Variants in EXOSC10 observed in about 807,000 individuals in gnomAD.
The protein encoded by EXOSC10 is exosome component 10, also known as exosome complex component 10.
EXOSC10 carries 94 observed loss-of-function variants against 126.6 expected under a neutral mutation model. The observed-to-expected ratio is 0.74, with a 90% CI of 0.63 to 0.88. The LOEUF is 0.88. Among genes scored for constraint, EXOSC10 ranks in the 40% least tolerant of loss-of-function variants. EXOSC10 has a pLI of 0.00. For synonymous variants in EXOSC10, 395 were observed against 400.8 expected, an observed-to-expected ratio of 0.99 and a Z score of 0.17; for missense variants, 1,041 against 1,100.5, an observed-to-expected ratio of 0.95 and a Z score of 0.77.
chr1:11,070,753 C>T lies in EXOSC10; in HGVS notation c.2316+147G>A, dbSNP rs1570787504. The stretch of plus-strand genomic sequence containing the variant: ...GTGGAGGTTTCGGAAATGAGGTAGA[C>T]ACTAATAGCCAAGCTAAGGTGAACC... On this transcript the variant is annotated intron_variant, in intron 21 of 24. Transcript: ENST00000376936. 4 of 671,232 alleles carry T rather than the reference C, an allele frequency of 6.0e-6. No individual in the cohort carries two copies. The East Asian group carries it at 7.8e-5, about 13-fold the overall frequency. The allele number at this position is 671,232 out of a possible 1,614,324, so 41.6% of individuals were successfully genotyped here.
intron 9 of EXOSC10, among the ~76,000 whole-genome samples, chr1:11,086,668 C>T (rs1640511494): frequency 6.6e-6 from 1 of 152,148 alleles, no homozygotes; most frequent in Admixed American, 6.6e-5. Flanking sequence ...AAGAAACTCA[C>T]TCAAAACCGC....
intron 10 of EXOSC10, among the ~76,000 whole-genome samples, chr1:11,082,191 G>C (rs1315618225): frequency 6.6e-6 from 1 of 152,100 alleles, no homozygotes; most frequent in Non-Finnish European, 1.5e-5. Context: ...TAGCAACCAA[G>C]CGGAAAACGA....
At chr1:11,077,293 G>C (rs1639872789) in intron 16 of EXOSC10, 72 bp downstream of exon 16, 12 of 1,502,246 alleles carry the variant, frequency 8.0e-6, no homozygotes, top group Non-Finnish European at 1.0e-5. Context: ...GCCCGGCCAA[G>C]CCTACAGAAT....
chr1:11,095,697 G>C, intron 3 of EXOSC10, 61 bp downstream of exon 3: 4 of 1,505,526 alleles, frequency 2.7e-6, no homozygotes, highest in Non-Finnish European at 2.8e-6. Context: ...CTGGGCGACA[G>C]AGCGAGACTC....
chr1:11,082,254 CA>C (rs1163115626), intron 10 of EXOSC10, among the ~76,000 whole-genome samples: 6 of 151,802 alleles, frequency 4.0e-5, no homozygotes, highest in African/African-American at 1.5e-4. Context: ...CCTTATGCCA[CA>C]AAAAAACGCT....
intron 22 of EXOSC10, 42 bp downstream of exon 22, chr1:11,069,517 C>T (rs761886038): frequency 2.8e-5 from 45 of 1,595,254 alleles, no homozygotes; most frequent in Admixed American, 1.6e-4. Context: ...TCCCCTCTGA[C>T]GCGCACAGAT....
chr1:11,078,935 C>T (rs1001970928), intron 14 of EXOSC10, among the ~76,000 whole-genome samples: 3 of 152,190 alleles, frequency 2.0e-5, no homozygotes, highest in Non-Finnish European at 2.9e-5. Flanking sequence ...AAGACACACA[C>T]ACTGGATTTC....
At chr1:11,084,972 G>GTTCTA (rs1450138689) in intron 9 of EXOSC10, among the ~76,000 whole-genome samples, 1 of 152,132 alleles carries the variant, frequency 6.6e-6, no homozygotes, top group Non-Finnish European at 1.5e-5. Context: ...GCTCTGTTCT[G>GTTCTA]TTCTATTGAT....
At chr1:11,070,600 C>A in intron 21 of EXOSC10, 1 of 290,658 alleles carries the variant, frequency 3.4e-6, no homozygotes, top group South Asian at 9.2e-5. Flanking sequence ...TTGTAGGACA[C>A]AGCAGGACAC....
At chr1:11,075,401 G>C (rs1272266683) in intron 17 of EXOSC10, among the ~76,000 whole-genome samples, 2 of 152,136 alleles carry the variant, frequency 1.3e-5, no homozygotes, top group African/African-American at 4.8e-5. Flanking sequence ...TCATAAATAT[G>C]TGCTATCCTT....
intron 9 of EXOSC10, among the ~76,000 whole-genome samples, chr1:11,085,732 A>G (rs1469303202): frequency 6.6e-6 from 1 of 151,798 alleles, no homozygotes. Context: ...GTTTTTGCCC[A>G]TTCAGTATGA....
intron 17 of EXOSC10, among the ~76,000 whole-genome samples, chr1:11,075,853 CAAAAAAAAAAA>C (rs58667041): frequency 1.3e-3 from 46 of 35,144 alleles, no homozygotes; most frequent in African/African-American, 5.1e-3. Context: ...GATCCTGTCA[CAAAAAAAAAAA>C]AAAAAAAAAA....
chr1:11,077,088 T>C, intron 16 of EXOSC10, 140 bp from the exon 17 acceptor site: 1 of 661,296 alleles, frequency 1.5e-6, no homozygotes, highest in Non-Finnish European at 2.6e-6. Flanking sequence ...GCCTCCTCGG[T>C]TCAAGTGATT....
At chr1:11,083,883 T>C (rs1380830578) in intron 9 of EXOSC10, among the ~76,000 whole-genome samples, 2 of 152,040 alleles carry the variant, frequency 1.3e-5, no homozygotes, top group African/African-American at 2.4e-5. Context: ...CAGTGTTTGG[T>C]TTTTTGTTCT....
chr1:11,071,171 T>A, intron 20 of EXOSC10, 198 bp from the exon 21 acceptor site: 1 of 581,330 alleles, frequency 1.7e-6, no homozygotes. Flanking sequence ...CACCTTCAGC[T>A]ACACGTGAGC....
At chr1:11,096,472 T>TTTTTTTTTTTTTTTTTTTATC (rs1641098940) in intron 2 of EXOSC10, among the ~76,000 whole-genome samples, 1 of 36,860 alleles carries the variant, frequency 2.7e-5, no homozygotes, top group Non-Finnish European at 1.5e-4. Context: ...TCTTTCTTTC[T>TTTTTTTTTTTTTTTTTTTATC]TTTTTTTTTT....
At chr1:11,092,329 C>T (rs894780343) in intron 3 of EXOSC10, among the ~76,000 whole-genome samples, 7 of 152,150 alleles carry the variant, frequency 4.6e-5, no homozygotes, top group African/African-American at 1.7e-4. Flanking sequence ...ATTCTCCTGC[C>T]TCAGCCTCCC....
Position 11,095,843 on chromosome 1 carries a change from T to A in EXOSC10, c.287A>T (p.Asn96Ile). The A allele has an allele frequency of 1.2e-6, 2 of 1,614,106 alleles. No individual in the cohort carries two copies. The highest frequency in any genetic ancestry group is 1.7e-6 in the Non-Finnish European group (2 of 1,179,906). ...AGTCACTTTACTTCGATCCTTAATG[T>A]TGCTGCGACACCCATGGTACTGCAT... is the stretch of plus-strand genomic sequence containing the variant. ...RVMQYHGCRS[N>I]IKDRSKVTEL... The change falls in exon 3 of 25, where the codon AAC becomes ATC. Residue 96 changes from asparagine to isoleucine, a missense_variant. Physicochemically the swap from Asn to Ile is moderately radical, Grantham distance 149 (BLOSUM62 -3). Around this residue, in one of 3 missense-constraint regions of EXOSC10, gnomAD observed 645 missense variants for 656.3 expected, o/e 0.98. Transcript: ENST00000376936.
Position 11,080,563 on chromosome 1 carries a change from A to AACACACACAC in EXOSC10, c.1587-24_1587-15dup, listed in dbSNP as rs70977543. Reference sequence around the variant, plus strand: ...GGCAGTACATATCTGGAAAAAAAAAAACACACACACACACACACACACACA... The same window carrying AACACACACAC: ...GGCAGTACATATCTGGAAAAAAAAAAACACACACACACACACACACACACACACACACACA... On this transcript the variant is annotated splice_polypyrimidine_tract_variant and intron_variant, in intron 12 of 24. Transcript: ENST00000376936. 85 of 1,423,596 alleles carry AACACACACAC rather than the reference A, an allele frequency of 6.0e-5. No homozygotes were observed. The African/African-American group carries it at 1.2e-3, about 20-fold the overall frequency. 88.2% of individuals were successfully genotyped at this position (1,423,596 alleles called of 1,614,324 possible). A position where few individuals can be genotyped will look rare whatever the true frequency, so the allele number is the denominator to read the frequency against.
Sources: allele counts gnomAD v4.1 joint callset (sites outside exome capture counted in the v4.1 genomes callset), GRCh38; gene constraint gnomAD v4.1.1; regional missense constraint gnomAD v4.1.1; transcripts MANE v1.5; gene names NCBI Gene and HGNC (gene_info 2026-07-23, HGNC 2026-07-21).